UBAC1: variants seen among roughly 807,000 people sequenced by gnomAD.
UBAC1 encodes ubiquitin-associated domain-containing protein 1.
UBAC1 carries 27 observed loss-of-function variants against 45.9 expected under a neutral mutation model. The observed-to-expected ratio is 0.59, with a 90% confidence interval of 0.43 to 0.81. The LOEUF is 0.81. Among genes scored for constraint, UBAC1 ranks in the 30% least tolerant of loss-of-function variants. UBAC1 has a pLI of 0.00. For missense variants in UBAC1, 529 were observed against 539.2 expected (o/e 0.98, Z 0.19); for synonymous variants, 227 against 215.5 (o/e 1.05, Z -0.47).
At chr9:135,953,563 C>A (rs1354076632) in intron 3 of UBAC1, 117 bp downstream of exon 3, 3 of 735,190 alleles carry the variant, frequency 4.1e-6, no homozygotes, top group African/African-American at 3.6e-5. Context: ...CGTGATCCAC[C>A]CGCCTCGGCC....
At position 135,945,975 on chromosome 9, in the gene UBAC1, A is replaced by G; in HGVS notation, c.567T>C (p.Asp189=). The G allele has an allele frequency of 6.2e-7, 1 of 1,613,930 alleles. No individual in the cohort carries two copies. Among genetic ancestry groups the G allele is most frequent in the Non-Finnish European group, 8.5e-7 (1 of 1,180,014 alleles). Residue 189 remains aspartate (D), a synonymous_variant, in exon 6 of 10, where the codon GAT becomes GAC. Coordinates refer to ENST00000371756, the MANE Select transcript of UBAC1 (RefSeq NM_016172.3). The part of the protein sequence containing the change: ...KANAMLDEDE[D]ERVDEAALRQ... ...GCAGGGCAGCCTCGTCCACACGCTCATCCTCGTCCTCGTCCAGCATTGCTG... is the reference window on the plus strand; with the variant it reads ...GCAGGGCAGCCTCGTCCACACGCTCGTCCTCGTCCTCGTCCAGCATTGCTG...
chr9:135,938,068 G>A lies in UBAC1; in HGVS notation c.1102+154C>T, dbSNP rs189857337. Among the ~76,000 whole-genome samples the A allele has an allele frequency of 4.9e-4, 74 of 152,320 alleles. No individual in the cohort carries two copies. The highest frequency in any genetic ancestry group is 1.9e-3 in the East Asian group (10 of 5,172). ...ACAGTGACGTAGCGGGACTACACCC[G>A]CAGGATGCCAACCTGCATGGCAGGA... On this transcript the variant is annotated intron_variant, in intron 9 of 9. Coordinates refer to ENST00000371756, the MANE Select transcript of UBAC1 (RefSeq NM_016172.3).
chr9:135,955,324 G>A lies in UBAC1; in HGVS notation c.230C>T (p.Thr77Ile). Residue 77 changes from threonine to isoleucine, a missense_variant, in exon 2 of 10, where the codon ACC becomes ATC. Coordinates refer to ENST00000371756, the MANE Select transcript of UBAC1 (RefSeq NM_016172.3). ...GTCCTGGATGTTCTCTTCCAGGATG[G>A]TCCTGGCATCACTCAGCACCCTCTC... ...ASERVLSDAR[T>I]ILEENIQDQD... 1 of 1,602,658 alleles carries A rather than the reference G, an allele frequency of 6.2e-7. No individual in the cohort carries two copies. Among genetic ancestry groups the A allele is most frequent in the Non-Finnish European group, 8.5e-7 (1 of 1,176,940 alleles).
intron 3 of UBAC1, among the ~76,000 whole-genome samples, chr9:135,950,157 C>G (rs1011444303): frequency 6.6e-6 from 1 of 152,226 alleles, no homozygotes; most frequent in Non-Finnish European, 1.5e-5. Context: ...GATTTCAGCT[C>G]GAGACCCTGA....
chr9:135,945,416 G>A (rs991747005), intron 6 of UBAC1, 166 bp from the exon 7 acceptor site: 34 of 594,750 alleles, frequency 5.7e-5, no homozygotes, highest in Non-Finnish European at 8.2e-5. Flanking sequence ...CGGAAGCGCT[G>A]GTCCTTGCCT....
Position 135,960,998 on chromosome 9 carries a change from G to T in UBAC1, c.138+27C>A, listed in dbSNP as rs762287376. 3.3e-6 allele frequency: 5 copies of T among 1,507,200 alleles called. No individual in the cohort carries two copies. In the South Asian group the frequency reaches 4.9e-5, roughly 15 times the overall value. The allele number at this position is 1,507,200 out of a possible 1,614,324, so 93.4% of individuals were successfully genotyped here. A position where few individuals can be genotyped will look rare whatever the true frequency, so the allele number is the denominator to read the frequency against. ...TCGGAGGGGTCCGGAGCGGGTGTTG[G>T]GGGCAGGGGAGGGGGCCCGGCCTTA... is the stretch of plus-strand genomic sequence containing the variant. On this transcript the variant is annotated intron_variant, in intron 1 of 9. Transcript: ENST00000371756.
intron 1 of UBAC1, among the ~76,000 whole-genome samples, chr9:135,956,646 C>A (rs1839470069): frequency 6.6e-6 from 1 of 152,170 alleles, no homozygotes; most frequent in African/African-American, 2.4e-5. Context: ...CAGTGCCCAC[C>A]TAACCAAATA....
chr9:135,938,813 T>TC (rs1554728036), intron 8 of UBAC1, among the ~76,000 whole-genome samples: 11 of 120,110 alleles, frequency 9.2e-5, no homozygotes, highest in Admixed American at 1.7e-4. Context: ...CGGGGGATGG[T>TC]GGGGGGGGGA....
chr9:135,937,019 G>T (rs1190516285), intron 9 of UBAC1, among the ~76,000 whole-genome samples: 1 of 152,208 alleles, frequency 6.6e-6, no homozygotes, highest in African/African-American at 2.4e-5. Flanking sequence ...CTGAGCGGAA[G>T]GTCTCTCACA....
At chr9:135,947,980 G>A in intron 3 of UBAC1, 75 bp from the exon 4 acceptor site, 1 of 1,376,030 alleles carries the variant, frequency 7.3e-7, no homozygotes, top group South Asian at 1.3e-5. Context: ...TGAATCAGCG[G>A]AGCTCTGCCC....
intron 1 of UBAC1, among the ~76,000 whole-genome samples, chr9:135,957,732 C>T (rs1473148262): frequency 1.3e-5 from 2 of 150,826 alleles, no homozygotes; most frequent in Non-Finnish European, 2.9e-5. Context: ...GCTATACTAG[C>T]GGGTACTCTC....
intron 4 of UBAC1, 110 bp from the exon 5 acceptor site, chr9:135,946,481 T>C (rs1459879399): frequency 2.7e-5 from 20 of 732,528 alleles, no homozygotes; most frequent in South Asian, 1.1e-4. Flanking sequence ...TGAGATGACA[T>C]TGCTTTCTTG....
chr9:135,958,524 G>A (rs1425819149), intron 1 of UBAC1, among the ~76,000 whole-genome samples: 1 of 152,102 alleles, frequency 6.6e-6, no homozygotes, highest in Non-Finnish European at 1.5e-5. Context: ...CTTGATTCAG[G>A]AGTGCACACC....
intron 3 of UBAC1, among the ~76,000 whole-genome samples, chr9:135,951,905 G>A (rs1196435482): frequency 6.6e-6 from 1 of 152,220 alleles, no homozygotes; most frequent in Non-Finnish European, 1.5e-5. Flanking sequence ...TATTTGAAGA[G>A]AAAAGGTAAG....
At chr9:135,943,975 T>C (rs923335390) in intron 7 of UBAC1, among the ~76,000 whole-genome samples, 1 of 151,044 alleles carries the variant, frequency 6.6e-6, no homozygotes, top group Admixed American at 6.6e-5. Context: ...CATCAGGGGG[T>C]CTGGGGGAGG....
At chr9:135,951,293 A>C (rs975519009) in intron 3 of UBAC1, among the ~76,000 whole-genome samples, 3 of 152,012 alleles carry the variant, frequency 2.0e-5, no homozygotes, top group Non-Finnish European at 4.4e-5. Context: ...TCGACCTTTT[A>C]AAAACATACG....
intron 9 of UBAC1, among the ~76,000 whole-genome samples, chr9:135,936,800 G>A (rs983689132): frequency 1.3e-5 from 2 of 152,102 alleles, no homozygotes; most frequent in African/African-American, 4.8e-5. Context: ...GCCATGGAGG[G>A]TTTTCTTTAA....
At chr9:135,954,307 T>C (rs1839441466) in intron 2 of UBAC1, among the ~76,000 whole-genome samples, 1 of 152,040 alleles carries the variant, frequency 6.6e-6, no homozygotes. Context: ...TAGTTGCGCA[T>C]GGTGGCACAT....
intron 3 of UBAC1, among the ~76,000 whole-genome samples, chr9:135,950,454 G>A (rs1233149779): frequency 2.0e-5 from 3 of 152,186 alleles, no homozygotes; most frequent in Non-Finnish European, 4.4e-5. Flanking sequence ...AAGCTTTATC[G>A]GCTCTGTGGA....
Sources: allele counts gnomAD v4.1 joint callset (sites outside exome capture counted in the v4.1 genomes callset), GRCh38; gene constraint gnomAD v4.1.1; transcripts MANE v1.5; gene names NCBI Gene and HGNC (gene_info 2026-07-23, HGNC 2026-07-21).